The following TRIP11 variants were observed in gnomAD, a reference collection of about 807,000 sequenced individuals.
The protein encoded by TRIP11 is thyroid hormone receptor interactor 11, also known as thyroid receptor-interacting protein 11.
TRIP11 carries 148 observed loss-of-function variants against 223.1 expected under a neutral mutation model. That is an observed-to-expected ratio of 0.66 (90% CI 0.58 to 0.76). The LOEUF is 0.76. Among genes scored for constraint, TRIP11 ranks in the 30% least tolerant of loss-of-function variants. TRIP11 has a pLI of 0.00. For synonymous variants in TRIP11, 762 were observed against 772.6 expected (o/e 0.99, Z 0.23); for missense variants, 2,043 against 2,222.0 (o/e 0.92, Z 1.62).
intron 20 of TRIP11, among the ~76,000 whole-genome samples, chr14:91,971,683 C>T: frequency 6.6e-6 from 1 of 152,078 alleles, no homozygotes; most frequent in East Asian, 1.9e-4. Flanking sequence ...TTTCAAGATG[C>T]TACAACCTAG....
At chr14:91,972,959 T>A in intron 19 of TRIP11, 98 bp from the exon 20 acceptor site, 1 of 1,040,256 alleles carries the variant, frequency 9.6e-7, no homozygotes, top group Non-Finnish European at 1.4e-6. Flanking sequence ...ATATTAAAAA[T>A]TAATCATGCC....
intron 9 of TRIP11, among the ~76,000 whole-genome samples, 161 bp from the exon 10 acceptor site, chr14:92,008,013 C>T (rs1422095170): frequency 6.6e-6 from 1 of 151,554 alleles, no homozygotes; most frequent in Non-Finnish European, 1.5e-5. Flanking sequence ...TTCAACAAAC[C>T]ACATCCTTCA....
intron 5 of TRIP11, 66 bp downstream of exon 5, chr14:92,017,616 G>A: frequency 8.3e-7 from 1 of 1,208,108 alleles, no homozygotes; most frequent in African/African-American, 1.5e-5. Context: ...TACTAATTCA[G>A]GCCTATGCTT....
At chr14:92,014,081 T>C in intron 7 of TRIP11, 134 bp downstream of exon 7, 1 of 1,276,668 alleles carries the variant, frequency 7.8e-7, no homozygotes. Context: ...CACACAATTC[T>C]ACCCAAATGA....
intron 3 of TRIP11, among the ~76,000 whole-genome samples, chr14:92,022,995 T>A (rs2057133446): frequency 2.0e-5 from 3 of 152,214 alleles, no homozygotes; most frequent in Admixed American, 6.5e-5. Context: ...ATATATTTCA[T>A]CCTCGTAAAA....
At chr14:92,035,210 C>T (rs1038475471) in intron 1 of TRIP11, among the ~76,000 whole-genome samples, 10 of 151,584 alleles carry the variant, frequency 6.6e-5, no homozygotes, top group South Asian at 6.3e-4. Flanking sequence ...ATCCCACCTA[C>T]TTAGGAGGCT....
rs2056734532 is a variant in TRIP11, at chr14:91,995,228, C to CA, written c.5056+123_5056+124insT. 4 of 1,104,688 alleles carry CA rather than the reference C, an allele frequency of 3.6e-6. No homozygotes were observed. In the African/African-American group the frequency reaches 6.1e-5, roughly 17 times the overall value. 68.4% of individuals were successfully genotyped at this position (1,104,688 alleles called of 1,614,324 possible). On this transcript the variant is annotated intron_variant, in intron 14 of 20. Transcript: ENST00000267622. Reference sequence around the variant, plus strand: ...AACTTTTTGATGGCTACTCACCCTTCCCCTCTACCAGTGGGTAACCTTTCA... The same window carrying CA: ...AACTTTTTGATGGCTACTCACCCTTCACCCTCTACCAGTGGGTAACCTTTCA...
At chr14:92,007,102 T>C (rs1351855438) in intron 10 of TRIP11, among the ~76,000 whole-genome samples, 1 of 150,194 alleles carries the variant, frequency 6.7e-6, no homozygotes, top group Non-Finnish European at 1.5e-5. Context: ...CTCGGCTCAC[T>C]GTAACCTCTG....
At chr14:92,029,280 ATTTTTTTTTTTTTTTTT>A (rs60778253) in intron 2 of TRIP11, among the ~76,000 whole-genome samples, 3 of 76,798 alleles carry the variant, frequency 3.9e-5, no homozygotes, top group South Asian at 4.1e-4. Context: ...CCAAAGTATT[ATTTTTTTTTTTTTTTTT>A]TTTTTTTTTT....
chr14:92,004,829 C>G lies in TRIP11; in HGVS notation c.3147G>C (p.Leu1049Phe). Residue 1049 changes from leucine (L) to phenylalanine (F), a missense_variant, in exon 11 of 21, where the codon TTG becomes TTC. Coordinates refer to ENST00000267622, the MANE Select transcript of TRIP11 (RefSeq NM_004239.4). ...NISLTKQIDQ[L>F]SKDEVGKLTQ... ...TTAGTTTACCAACTTCATCTTTGGA[C>G]AACTGATCAATCTGTTTAGTTAAAG... 4 of 1,614,016 alleles carry G rather than the reference C, an allele frequency of 2.5e-6. No individual in the cohort carries two copies. Among genetic ancestry groups the G allele is most frequent in the Non-Finnish European group, 3.4e-6 (4 of 1,179,998 alleles).
chr14:92,025,451 A>C, intron 2 of TRIP11, 31 bp from the exon 3 acceptor site: 1 of 1,507,940 alleles, frequency 6.6e-7, no homozygotes, highest in Non-Finnish European at 9.2e-7. Flanking sequence ...CAACAAAAAG[A>C]CTGCAAGTAA....
chr14:92,035,579 TTA>T (rs1566877876), intron 1 of TRIP11, among the ~76,000 whole-genome samples: 3 of 103,666 alleles, frequency 2.9e-5, no homozygotes, highest in African/African-American at 1.2e-4. Flanking sequence ...ATTTATTTAT[TTA>T]TTTATTTTTT....
At chr14:92,031,235 CAGCCTCCCAAGT>C (rs1440192403) in intron 2 of TRIP11, among the ~76,000 whole-genome samples, 7 of 152,116 alleles carry the variant, frequency 4.6e-5, no homozygotes, top group Non-Finnish European at 1.0e-4. Flanking sequence ...TCTCCTGCCT[CAGCCTCCCAAGT>C]AGCTGGGATT....
chr14:91,974,256 G>A (rs2056435871), intron 19 of TRIP11, among the ~76,000 whole-genome samples: 1 of 152,132 alleles, frequency 6.6e-6, no homozygotes, highest in Non-Finnish European at 1.5e-5. Context: ...GTTCACAGCA[G>A]GTACTCAGTA....
At chr14:91,972,941 C>T in intron 19 of TRIP11, 80 bp from the exon 20 acceptor site, 8 of 1,142,442 alleles carry the variant, frequency 7.0e-6, no homozygotes, top group South Asian at 6.5e-5. Flanking sequence ...ACCAGCTTTT[C>T]TAATTAAATA....
At chr14:91,994,258 C>CTTTT (rs539125037) in intron 14 of TRIP11, among the ~76,000 whole-genome samples, 13 of 127,434 alleles carry the variant, frequency 1.0e-4, no homozygotes, top group African/African-American at 2.0e-4. Context: ...ACCTCAAAAA[C>CTTTT]TTTTTTTTTT....
At chr14:91,994,660 C>T (rs1001064693) in intron 14 of TRIP11, among the ~76,000 whole-genome samples, 4 of 152,146 alleles carry the variant, frequency 2.6e-5, no homozygotes, top group East Asian at 1.9e-4. Context: ...TTCTCATATC[C>T]CCTAATCACC....
chr14:91,991,975 T>G (rs1317363219), intron 15 of TRIP11, among the ~76,000 whole-genome samples: 1 of 145,044 alleles, frequency 6.9e-6, no homozygotes, highest in Admixed American at 7.5e-5. Context: ...CTCAGCTACT[T>G]GGGAGGCTGA....
chr14:92,006,921 G>C (rs1056321826), intron 10 of TRIP11, among the ~76,000 whole-genome samples: 4 of 152,064 alleles, frequency 2.6e-5, no homozygotes, highest in African/African-American at 9.7e-5. Context: ...GCCTGCCTCA[G>C]CCTCCCAAAG....
Sources: allele counts gnomAD v4.1 joint callset (sites outside exome capture counted in the v4.1 genomes callset), GRCh38; gene constraint gnomAD v4.1.1; transcripts MANE v1.5; gene names NCBI Gene and HGNC (gene_info 2026-07-23, HGNC 2026-07-21).